The following CFAP299 variants were observed in gnomAD, a reference collection of about 807,000 sequenced individuals.
CFAP299 encodes cilia and flagella associated protein 299.
CFAP299 carries 21 observed loss-of-function variants against 27.0 expected under a neutral mutation model. That is an observed-to-expected ratio of 0.78 (90% CI 0.55 to 1.12). CFAP299 has a LOEUF of 1.12. Among genes scored for constraint, CFAP299 ranks in the 50% most tolerant of loss-of-function variants. The pLI, the probability that CFAP299 is intolerant of heterozygous loss-of-function variation, is 0.00. For synonymous variants in CFAP299, 104 were observed against 98.1 expected (o/e 1.06, Z -0.36); for missense variants, 310 against 276.6 (o/e 1.12, Z -0.86).
intron 3 of CFAP299, among the ~76,000 whole-genome samples, chr4:80,650,909 G>A (rs1169428520): frequency 6.6e-6 from 1 of 152,040 alleles, no homozygotes; most frequent in Non-Finnish European, 1.5e-5. Context: ...ACTGGGTGCA[G>A]TGTATCCTGC....
chr4:80,953,037 T>C (rs948317329), intron 5 of CFAP299, among the ~76,000 whole-genome samples: 1 of 152,198 alleles, frequency 6.6e-6, no homozygotes, highest in African/African-American at 2.4e-5. Flanking sequence ...AGTTTTAAAA[T>C]CTGCCTTTTA....
At chr4:80,712,424 C>T (rs1722231397) in intron 3 of CFAP299, among the ~76,000 whole-genome samples, 2 of 152,242 alleles carry the variant, frequency 1.3e-5, no homozygotes, top group South Asian at 4.1e-4. Context: ...TATGTGATAA[C>T]ATAAAGCATG....
chr4:80,566,721 G>T (rs1032786436), intron 2 of CFAP299, among the ~76,000 whole-genome samples: 1 of 151,974 alleles, frequency 6.6e-6, no homozygotes, highest in Admixed American at 6.6e-5. Flanking sequence ...GGCTTTCCTT[G>T]TGTAAATATA....
At chr4:80,434,909 G>GA in intron 2 of CFAP299, among the ~76,000 whole-genome samples, 2 of 152,294 alleles carry the variant, frequency 1.3e-5, no homozygotes, top group South Asian at 2.1e-4. Flanking sequence ...AAACATTAGG[G>GA]AAAATCACAG....
chr4:80,613,998 G>T (rs1738141898), intron 3 of CFAP299, among the ~76,000 whole-genome samples: 1 of 152,104 alleles, frequency 6.6e-6, no homozygotes, highest in Admixed American at 6.6e-5. Flanking sequence ...TTTATTTAAT[G>T]TATTATTATT....
chr4:80,386,987 G>T, intron 2 of CFAP299: 4 of 1,059,526 alleles, frequency 3.8e-6, no homozygotes, highest in Non-Finnish European at 5.9e-6. Flanking sequence ...CCTTGAACCT[G>T]CCCCCACTGC....
At position 80,933,257 on chromosome 4, in the gene CFAP299, A is replaced by G. The variant is rs562484881; in HGVS notation, c.477-11553A>G. Among the ~76,000 whole-genome samples the G allele has an allele frequency of 9.7e-4, 148 of 151,920 alleles. 3 individuals are homozygous for G. In the South Asian group the frequency reaches 0.015, roughly 16 times the overall value. On this transcript the variant is annotated intron_variant, in intron 4 of 5. Coordinates refer to ENST00000358105, the MANE Select transcript of CFAP299 (RefSeq NM_152770.3). ...CATAAGCCATCATATTACACATTAGATCACCAATCACGTATTCATCCCTTT... is the reference window on the plus strand; with the variant it reads ...CATAAGCCATCATATTACACATTAGGTCACCAATCACGTATTCATCCCTTT...
chr4:80,648,731 T>G lies in CFAP299; in HGVS notation c.333+65548T>G, dbSNP rs375769503. ...TCAGATTTTCTCATTTTGAATATCT[T>G]TCACAACAGCCTCATTGTTTTACTG... is the stretch of plus-strand genomic sequence containing the variant. On this transcript the variant is annotated intron_variant, in intron 3 of 5. Coordinates refer to ENST00000358105, the MANE Select transcript of CFAP299 (RefSeq NM_152770.3). Among the ~76,000 whole-genome samples the G allele has an allele frequency of 4.6e-5, 7 of 152,252 alleles. No individual in the cohort carries two copies. The South Asian group carries it at 1.5e-3, about 32-fold the overall frequency.
chr4:80,366,469 A>T (rs1323478350), intron 2 of CFAP299, among the ~76,000 whole-genome samples: 2 of 152,216 alleles, frequency 1.3e-5, no homozygotes, highest in African/African-American at 4.8e-5. Flanking sequence ...TGCTAAAAAA[A>T]TATTTTGGGC....
At chr4:80,430,115 T>C (rs983636727) in intron 2 of CFAP299, among the ~76,000 whole-genome samples, 2 of 152,216 alleles carry the variant, frequency 1.3e-5, no homozygotes, top group Non-Finnish European at 2.9e-5. Flanking sequence ...TTTCATATTT[T>C]TATTCATAAA....
intron 2 of CFAP299, among the ~76,000 whole-genome samples, chr4:80,409,736 A>T (rs1726616184): frequency 2.0e-5 from 3 of 152,228 alleles, no homozygotes; most frequent in African/African-American, 7.2e-5. Context: ...AAGCACCTGA[A>T]ATCTGATATG....
intron 2 of CFAP299, among the ~76,000 whole-genome samples, chr4:80,378,572 G>C (rs1236205829): frequency 6.6e-6 from 1 of 151,652 alleles, no homozygotes; most frequent in African/African-American, 2.4e-5. Flanking sequence ...TTATCAGTTT[G>C]AGGAAGTCTC....
At chr4:80,881,419 A>G (rs1246777400) in intron 4 of CFAP299, among the ~76,000 whole-genome samples, 1 of 152,328 alleles carries the variant, frequency 6.6e-6, no homozygotes, top group South Asian at 2.1e-4. Flanking sequence ...AAGGTATGCA[A>G]CAAAGAAAGG....
At chr4:80,869,915 C>A (rs910909203) in intron 3 of CFAP299, 78 bp from the exon 4 acceptor site, 2 of 1,360,530 alleles carry the variant, frequency 1.5e-6, no homozygotes, top group South Asian at 1.5e-5. Flanking sequence ...TAGTGTTTTA[C>A]ATCATTCTAT....
In CFAP299 at chr4:80,357,525, G is replaced by A. The variant is rs1253541749; in HGVS notation, c.112-5229G>A. Among the ~76,000 whole-genome samples, 4 of 152,112 alleles carry A rather than the reference G, an allele frequency of 2.6e-5. No individual in the cohort carries two copies. In the East Asian group the frequency reaches 5.8e-4, roughly 22 times the overall value. On this transcript the variant is annotated intron_variant, in intron 1 of 5. Coordinates refer to ENST00000358105, the MANE Select transcript of CFAP299 (RefSeq NM_152770.3). ...GACTCAATTTCAGAACTCATTATTG[G>A]TCTGTTCAAGGATTCAAGTTCTTCC...
rs558542297 is a variant in CFAP299 at position 80,675,578 on chromosome 4, AG to A, written c.333+92396del. Among the ~76,000 whole-genome samples, 136 of 152,314 alleles carry A rather than the reference AG, an allele frequency of 8.9e-4. 1 individual carries two copies. Among genetic ancestry groups the A allele is most frequent in the African/African-American group, 3.2e-3 (131 of 41,576 alleles). On this transcript the variant is annotated intron_variant, in intron 3 of 5. Transcript: ENST00000358105. ...AACCACTGCTCTCTTCAGAGCTGTC[AG>A]ACAGGGACATTTAAGTCTGCAGAAG... is the stretch of plus-strand genomic sequence containing the variant.
chr4:80,963,389 A>G (rs1018342802), intron 5 of CFAP299, 128 bp from the exon 6 acceptor site: 10 of 636,912 alleles, frequency 1.6e-5, no homozygotes, highest in African/African-American at 1.5e-4. Flanking sequence ...AAACATGTAT[A>G]TATCTCCGTG....
chr4:80,771,851 C>A (rs1442303405), intron 3 of CFAP299, among the ~76,000 whole-genome samples: 2 of 152,152 alleles, frequency 1.3e-5, no homozygotes, highest in Non-Finnish European at 2.9e-5. Context: ...TCTTACATCC[C>A]ATTTTGATAG....
intron 4 of CFAP299, among the ~76,000 whole-genome samples, chr4:80,925,649 A>T (rs942117375): frequency 2.0e-5 from 3 of 152,050 alleles, no homozygotes; most frequent in Non-Finnish European, 4.4e-5. Context: ...GTGTCTAAAA[A>T]TGTCCTGACC....
Sources: allele counts gnomAD v4.1 joint callset (sites outside exome capture counted in the v4.1 genomes callset), GRCh38; gene constraint gnomAD v4.1.1; transcripts MANE v1.5; gene names NCBI Gene and HGNC (gene_info 2026-07-23, HGNC 2026-07-21).